UNC5C: variants seen among roughly 807,000 people sequenced by gnomAD.
UNC5C encodes netrin receptor UNC5C.
Under a neutral mutation model 99.8 loss-of-function variants are expected in UNC5C, and 47 were observed. The observed-to-expected ratio is 0.47, with a 90% CI of 0.37 to 0.60. UNC5C has a LOEUF of 0.60. UNC5C is among the 20% of genes least tolerant of loss of function. The pLI is 0.00. For missense variants in UNC5C, 1,062 were observed against 1,165.9 expected, an observed-to-expected ratio of 0.91 and a Z score of 1.30; for synonymous variants, 487 against 452.2, an observed-to-expected ratio of 1.08 and a Z score of -0.98.
chr4:95,436,197 C>T (rs1746782589), intron 1 of UNC5C, among the ~76,000 whole-genome samples: 1 of 150,846 alleles, frequency 6.6e-6, no homozygotes, highest in Admixed American at 6.6e-5. Context: ...AAAAAAAAAT[C>T]CAAAGAGAAA....
In UNC5C at chr4:95,455,618, ACT is replaced by A. The variant is rs532575618; in HGVS notation, c.124+93114_124+93115del. 5.3e-4 allele frequency among the ~76,000 whole-genome samples: 80 copies of A among 152,038 alleles called. 1 individual carries two copies. Among genetic ancestry groups the A allele is most frequent in the Admixed American group, 5.2e-3 (79 of 15,246 alleles). On this transcript the variant is annotated intron_variant, in intron 1 of 15. Coordinates refer to ENST00000453304, the MANE Select transcript of UNC5C (RefSeq NM_003728.4). ...ACTCCAGCCTGGGAGACAGGGCAAG[ACT>A]CTGTCTCAAATAAATAAATAAATAT...
chr4:95,482,382 G>T (rs1212646846), intron 1 of UNC5C, among the ~76,000 whole-genome samples: 1 of 152,020 alleles, frequency 6.6e-6, no homozygotes, highest in Non-Finnish European at 1.5e-5. Flanking sequence ...AGGATATGGA[G>T]AAATAGGAAC....
In UNC5C at chr4:95,313,828, CAT is replaced by C. The variant is rs1348214298; in HGVS notation, c.347-12081_347-12080del. 2.0e-5 allele frequency among the ~76,000 whole-genome samples: 3 copies of C among 152,160 alleles called. No individual in the cohort carries two copies. The East Asian group carries it at 5.8e-4, about 29-fold the overall frequency. On this transcript the variant is annotated intron_variant, in intron 2 of 15. Coordinates refer to ENST00000453304, the MANE Select transcript of UNC5C (RefSeq NM_003728.4). ...ATTATTGCAACTAGGTGACTGAAAA[CAT>C]ATTCATCTAACACAAAACAACCTAG...
chr4:95,271,304 T>G (rs1456502128), intron 4 of UNC5C, among the ~76,000 whole-genome samples: 6 of 151,980 alleles, frequency 3.9e-5, no homozygotes, highest in Non-Finnish European at 2.9e-5. Context: ...CTCGGCTCAC[T>G]GCAAGCTCCG....
chr4:95,203,025 G>GATGGTGGTGA, intron 11 of UNC5C, 61 bp from the exon 12 acceptor site: 3 of 1,509,406 alleles, frequency 2.0e-6, no homozygotes, highest in Non-Finnish European at 2.8e-6. Flanking sequence ...GGCCACCAGG[G>GATGGTGGTGA]ATGGTGGTGA....
intron 1 of UNC5C, among the ~76,000 whole-genome samples, chr4:95,480,920 C>A (rs1185918617): frequency 6.6e-6 from 1 of 151,440 alleles, no homozygotes; most frequent in African/African-American, 2.4e-5. Flanking sequence ...TGGGCAAAAA[C>A]TGGAAGCATT....
intron 1 of UNC5C, among the ~76,000 whole-genome samples, chr4:95,491,483 A>G (rs1376704738): frequency 6.6e-6 from 1 of 151,614 alleles, no homozygotes; most frequent in Non-Finnish European, 1.5e-5. Flanking sequence ...ATAGCCATTC[A>G]GTTTTCTTGG....
Position 95,481,885 on chromosome 4 carries a change from A to AG in UNC5C, c.124+66848_124+66849insC, listed in dbSNP as rs1721167951. 5.3e-5 allele frequency among the ~76,000 whole-genome samples: 8 copies of AG among 152,168 alleles called. No homozygotes were observed. The South Asian group carries it at 1.7e-3, about 32-fold the overall frequency. The stretch of plus-strand genomic sequence containing the variant: ...AAGATGGATTAAAGACTTCAATGTT[A>AG]AACCTAAAACCATAAAAACCCTAGA... On this transcript the variant is annotated intron_variant, in intron 1 of 15. Coordinates refer to ENST00000453304, the MANE Select transcript of UNC5C (RefSeq NM_003728.4).
chr4:95,335,269 C>T (rs1483752), intron 2 of UNC5C, 141 bp downstream of exon 2: 2 of 779,512 alleles, frequency 2.6e-6, no homozygotes, highest in Non-Finnish European at 4.0e-6. Flanking sequence ...ATCACCAAAC[C>T]TTAACCAAAC....
intron 14 of UNC5C, among the ~76,000 whole-genome samples, 187 bp from the exon 15 acceptor site, chr4:95,170,519 A>G (rs1736053979): frequency 6.6e-6 from 1 of 152,180 alleles, no homozygotes; most frequent in African/African-American, 2.4e-5. Context: ...TGGCTCAGAG[A>G]TAGAGGTACA....
chr4:95,518,095 C>T lies in UNC5C; in HGVS notation c.124+30639G>A, dbSNP rs544702808. On this transcript the variant is annotated intron_variant, in intron 1 of 15. Coordinates refer to ENST00000453304, the MANE Select transcript of UNC5C (RefSeq NM_003728.4). Reference sequence around the variant, plus strand: ...ATAGTGAACGTGTTATTCAACATAACCCTTCAGTCCTTGTCCAAGAACTAA... The same window carrying T: ...ATAGTGAACGTGTTATTCAACATAATCCTTCAGTCCTTGTCCAAGAACTAA... 1.4e-3 allele frequency among the ~76,000 whole-genome samples: 220 copies of T among 152,190 alleles called. 2 individuals carry two copies. Among genetic ancestry groups the T allele is most frequent in the East Asian group, 7.7e-4 (4 of 5,168 alleles).
chr4:95,258,743 A>ACTC lies in UNC5C; in HGVS notation c.595-8077_595-8076insGAG, dbSNP rs1184674099. ...CCCACTATGTGTAATCGACCATCTT[A>ACTC]TTCTTTTTTTTTTTTTTTTTTTTTT... On this transcript the variant is annotated intron_variant, in intron 4 of 15. Transcript: ENST00000453304. Among the ~76,000 whole-genome samples, 152 of 85,872 alleles carry ACTC rather than the reference A, an allele frequency of 1.8e-3. 1 individual carries two copies. The highest frequency in any genetic ancestry group is 4.0e-3 in the South Asian group (9 of 2,240). 56.3% of individuals were successfully genotyped at this position (85,872 alleles called of 152,430 possible).
intron 1 of UNC5C, among the ~76,000 whole-genome samples, chr4:95,457,645 T>A (rs570575509): frequency 6.6e-6 from 1 of 152,232 alleles, no homozygotes; most frequent in Admixed American, 6.5e-5. Context: ...TTTAACTATT[T>A]AATTCTGAAT....
At chr4:95,285,411 G>A (rs922092979) in intron 3 of UNC5C, among the ~76,000 whole-genome samples, 1 of 151,978 alleles carries the variant, frequency 6.6e-6, no homozygotes. Context: ...CAGGTTTTGT[G>A]AATATTAAAA....
intron 2 of UNC5C, among the ~76,000 whole-genome samples, chr4:95,323,491 G>T (rs1036831610): frequency 1.3e-5 from 2 of 152,160 alleles, no homozygotes; most frequent in African/African-American, 2.4e-5. Flanking sequence ...TTAATGAAGA[G>T]CATGCCAATA....
At position 95,183,074 on chromosome 4, in the gene UNC5C, A is replaced by G. The variant is rs2149350624; in HGVS notation, c.2287-13T>C. On this transcript the variant is annotated splice_polypyrimidine_tract_variant and intron_variant, in intron 13 of 15. Transcript: ENST00000453304. The stretch of plus-strand genomic sequence containing the variant: ...AAAATGGAATTTCCTAAAGGATATG[A>G]AAGTGTTAACCACAATTGAAGGACT... 2 of 1,595,236 alleles carry G rather than the reference A, an allele frequency of 1.3e-6. No homozygotes were observed. Among genetic ancestry groups the G allele is most frequent in the Admixed American group, 1.7e-5 (1 of 59,502 alleles).
At position 95,202,663 on chromosome 4, in the gene UNC5C, G is replaced by A. The variant is rs1432862483; in HGVS notation, c.2136+68C>T. The A allele has an allele frequency of 4.1e-6, 6 of 1,473,522 alleles. No individual in the cohort carries two copies. The African/African-American group carries it at 5.6e-5, about 14-fold the overall frequency. 91.3% of individuals were successfully genotyped at this position (1,473,522 alleles called of 1,614,324 possible). A position where few individuals can be genotyped will look rare whatever the true frequency, so the allele number is the denominator to read the frequency against. ...CACACACAGCCACATCTCCAAGTGT[G>A]CACAGCCGTGCAAAACCTTGGCTTC... is the stretch of plus-strand genomic sequence containing the variant. On this transcript the variant is annotated intron_variant, in intron 12 of 15. Transcript: ENST00000453304.
At chr4:95,523,171 C>A (rs1197933749) in intron 1 of UNC5C, among the ~76,000 whole-genome samples, 2 of 152,166 alleles carry the variant, frequency 1.3e-5, no homozygotes, top group East Asian at 3.9e-4. Context: ...CCTCACCAAG[C>A]CTCTGGACCC....
At position 95,447,582 on chromosome 4, in the gene UNC5C, CCT is replaced by C. The variant is rs573322086; in HGVS notation, c.124+101150_124+101151del. Among the ~76,000 whole-genome samples, 1,430 of 149,318 alleles carry C rather than the reference CCT, an allele frequency of 9.6e-3. 20 individuals carry two copies. Among genetic ancestry groups the C allele is most frequent in the African/African-American group, 0.035 (1,347 of 38,734 alleles). On this transcript the variant is annotated intron_variant, in intron 1 of 15. Coordinates refer to ENST00000453304, the MANE Select transcript of UNC5C (RefSeq NM_003728.4). ...GTGGCGCAATCTCGGCTTACTGCAACCTCTTTCTCCCAGGTTCAAGCAATTCC... is the reference window on the plus strand; with the variant it reads ...GTGGCGCAATCTCGGCTTACTGCAACCTTTCTCCCAGGTTCAAGCAATTCC...
Sources: gnomAD v4.1 joint callset for allele counts (sites outside exome capture counted in the v4.1 genomes callset) on GRCh38, gnomAD v4.1.1 for gene constraint, MANE v1.5 for transcripts, NCBI Gene and HGNC (gene_info 2026-07-23, HGNC 2026-07-21) for gene names.